Variants in SCHIP1 observed in about 807,000 individuals in gnomAD.
The protein encoded by SCHIP1 is schwannomin-interacting protein 1.
A neutral mutation model predicts 29.7 loss-of-function variants in SCHIP1; 8 were observed. The ratio of observed to expected loss-of-function variants is 0.27; its 90% CI spans 0.16 to 0.49. SCHIP1 has a LOEUF of 0.49. Among genes scored for constraint, SCHIP1 ranks in the 20% least tolerant of loss-of-function variants. The pLI, the probability that SCHIP1 is intolerant of heterozygous loss-of-function variation, is 0.99. For synonymous variants in SCHIP1, 76 were observed against 94.9 expected (o/e 0.80, Z 1.16); for missense variants, 193 against 294.6 (o/e 0.66, Z 2.52).
chr3:159,360,181 C>T, the SCHIP1 span, among the ~76,000 whole-genome samples: 1 of 152,150 alleles, frequency 6.6e-6, no homozygotes, highest in Non-Finnish European at 1.5e-5. Flanking sequence ...CTTTCACTTT[C>T]TTTCAAATTT....
the SCHIP1 span, among the ~76,000 whole-genome samples, chr3:159,731,459 C>T: frequency 1.3e-5 from 2 of 152,294 alleles, no homozygotes; most frequent in East Asian, 1.9e-4. Flanking sequence ...CAGGAGTAGA[C>T]GAGGCCGGTA....
the SCHIP1 span, among the ~76,000 whole-genome samples, chr3:159,725,079 T>C: frequency 6.6e-6 from 1 of 152,098 alleles, no homozygotes; most frequent in Non-Finnish European, 1.5e-5. Flanking sequence ...ATTTCAATGG[T>C]TTAACACAAC....
the SCHIP1 span, among the ~76,000 whole-genome samples, chr3:159,351,759 A>G: frequency 6.6e-6 from 1 of 152,168 alleles, no homozygotes; most frequent in South Asian, 2.1e-4. Context: ...TAGATAAATC[A>G]TAGACCATAG....
chr3:159,393,962 C>T, the SCHIP1 span, among the ~76,000 whole-genome samples: 15 of 152,062 alleles, frequency 9.9e-5, no homozygotes, highest in African/African-American at 3.4e-4. Context: ...GATGTTCTTC[C>T]ATTTGTTTGT....
the SCHIP1 span, among the ~76,000 whole-genome samples, chr3:159,781,992 C>T: frequency 2.6e-5 from 4 of 152,228 alleles, no homozygotes; most frequent in Non-Finnish European, 4.4e-5. Context: ...CTGTGGTTCT[C>T]TGAGGTTACG....
chr3:159,774,299 G>A, the SCHIP1 span, among the ~76,000 whole-genome samples: 37 of 152,040 alleles, frequency 2.4e-4, no homozygotes, highest in African/African-American at 8.0e-4. Context: ...TTGTCTGTGT[G>A]TTTGTTTTGT....
chr3:159,357,181 A>G, the SCHIP1 span, among the ~76,000 whole-genome samples: 1 of 152,204 alleles, frequency 6.6e-6, no homozygotes, highest in Non-Finnish European at 1.5e-5. Context: ...ACTTGTATTC[A>G]TCATGTTTCG....
intron 5 of SCHIP1, among the ~76,000 whole-genome samples, chr3:159,890,065 A>G (rs1717346198): frequency 6.6e-6 from 1 of 151,892 alleles, no homozygotes. Context: ...ACTGCACTCC[A>G]GCCTGGGTGA....
the SCHIP1 span, among the ~76,000 whole-genome samples, chr3:159,766,258 A>G: frequency 6.6e-6 from 1 of 152,268 alleles, no homozygotes; most frequent in East Asian, 1.9e-4. Flanking sequence ...AATTGGGTGC[A>G]TGCACTTCTG....
At chr3:159,674,326 C>A in the SCHIP1 span, among the ~76,000 whole-genome samples, 1 of 152,104 alleles carries the variant, frequency 6.6e-6, no homozygotes, top group African/African-American at 2.4e-5. Context: ...CAAGCTAAGT[C>A]CCCAGCACTG....
At chr3:159,582,797 C>T in the SCHIP1 span, among the ~76,000 whole-genome samples, 3 of 150,696 alleles carry the variant, frequency 2.0e-5, no homozygotes, top group African/African-American at 7.4e-5. Flanking sequence ...TACACACACA[C>T]ACACACACAC....
chr3:159,762,013 TC>T, the SCHIP1 span, among the ~76,000 whole-genome samples: 3 of 152,174 alleles, frequency 2.0e-5, no homozygotes. Flanking sequence ...CTTTTTGTGA[TC>T]TAAGCCATGC....
the SCHIP1 span, among the ~76,000 whole-genome samples, chr3:159,582,809 C>CACACAT: frequency 6.6e-6 from 1 of 151,510 alleles, no homozygotes; most frequent in African/African-American, 2.4e-5. Context: ...CACACACACA[C>CACACAT]ACACACACAC....
exon 2 of SCHIP1, chr3:159,866,173 A>G: frequency 2.0e-5 from 32 of 1,613,284 alleles, no homozygotes; most frequent in Non-Finnish European, 2.6e-5. Context: ...GCACAGAAAA[A>G]TGAGAGAGAG....
At chr3:159,857,180 C>T (rs1713483914) in intron 1 of SCHIP1, among the ~76,000 whole-genome samples, 2 of 152,174 alleles carry the variant, frequency 1.3e-5, no homozygotes, top group South Asian at 2.1e-4. Flanking sequence ...TCATATCACC[C>T]CATTGGCACA....
chr3:159,482,141 A>G, the SCHIP1 span, among the ~76,000 whole-genome samples: 1 of 152,090 alleles, frequency 6.6e-6, no homozygotes, highest in Non-Finnish European at 1.5e-5. Context: ...TTTCATCTTG[A>G]TGTTATTTCA....
the SCHIP1 span, among the ~76,000 whole-genome samples, chr3:159,646,520 G>A: frequency 1.1e-4 from 17 of 152,032 alleles, no homozygotes; most frequent in Non-Finnish European, 2.5e-4. Flanking sequence ...CATCATCGTG[G>A]TCTAAAAGCT....
At chr3:159,835,853 G>A (rs1241076365), upstream of SCHIP1, among the ~76,000 whole-genome samples, 7 of 151,874 alleles carry the variant, frequency 4.6e-5, no homozygotes, top group African/African-American at 1.7e-4. Context: ...TATATTTATT[G>A]TCCAAAACCC....
At chr3:159,582,789 C>CAA in the SCHIP1 span, among the ~76,000 whole-genome samples, 1 of 132,898 alleles carries the variant, frequency 7.5e-6, no homozygotes, top group Admixed American at 7.0e-5. Flanking sequence ...TATATATATA[C>CAA]ACACACACAC....
Sources: allele counts gnomAD v4.1 joint callset (sites outside exome capture counted in the v4.1 genomes callset), GRCh38; gene constraint gnomAD v4.1.1; transcripts MANE v1.5; gene names NCBI Gene and HGNC (gene_info 2026-07-23, HGNC 2026-07-21).